ELF2: variants seen among roughly 807,000 people sequenced by gnomAD.
ELF2 encodes ETS-related transcription factor Elf-2.
A neutral mutation model predicts 54.8 loss-of-function variants in ELF2; 11 were observed. The ratio of observed to expected loss-of-function variants is 0.20; its 90% CI spans 0.13 to 0.33. ELF2 has a LOEUF of 0.33. ELF2 is among the 10% of genes least tolerant of loss of function. ELF2 has a pLI of 1.00. For synonymous variants in ELF2, 203 were observed against 245.1 expected, an observed-to-expected ratio of 0.83 and a Z score of 1.61; for missense variants, 513 against 703.0, an observed-to-expected ratio of 0.73 and a Z score of 3.06.
intron 1 of ELF2, chr4:139,155,022 T>C (rs1740387660): frequency 1.3e-5 from 2 of 152,166 alleles, no homozygotes; most frequent in African/African-American, 4.8e-5. Flanking sequence ...TGTGCATCCT[T>C]CATCTGGGCA....
intron 6 of ELF2, among the ~76,000 whole-genome samples, chr4:139,068,900 A>T (rs1729117630): frequency 6.6e-6 from 1 of 151,362 alleles, no homozygotes. Context: ...TTTTTAAGAG[A>T]TGGAGTCTCA....
Position 139,073,576 on chromosome 4 carries a change from A to G in ELF2, c.239-9T>C. 1 of 1,507,150 alleles carries G rather than the reference A, an allele frequency of 6.6e-7. No individual in the cohort carries two copies. Among genetic ancestry groups the G allele is most frequent in the South Asian group, 1.3e-5 (1 of 74,894 alleles). The allele number at this position is 1,507,150 out of a possible 1,614,324, so 93.4% of individuals were successfully genotyped here. ...GTGAACTGATGCTTCCACTGGAGGA[A>G]AAATAAGTTCTACTCAATTAAAAAT... is the stretch of plus-strand genomic sequence containing the variant. On this transcript the variant is annotated splice_polypyrimidine_tract_variant and intron_variant, in intron 4 of 9. Transcript: ENST00000686138.
At chr4:139,096,923 C>T (rs1006372946) in intron 4 of ELF2, among the ~76,000 whole-genome samples, 1 of 151,954 alleles carries the variant, frequency 6.6e-6, no homozygotes, top group Admixed American at 6.6e-5. Context: ...TCTGTCTTTA[C>T]AGAGGTTCTT....
chr4:139,091,223 C>G (rs1732541532), intron 4 of ELF2, among the ~76,000 whole-genome samples: 1 of 152,098 alleles, frequency 6.6e-6, no homozygotes. Flanking sequence ...AGCCACCTCA[C>G]CCGACCTTCT....
At chr4:139,114,985 C>T (rs1735475549) in intron 4 of ELF2, 1 of 1,613,780 alleles carries the variant, frequency 6.2e-7, no homozygotes, top group Non-Finnish European at 8.5e-7. Flanking sequence ...GTCCAGCAGA[C>T]CAGAAATGAA....
At chr4:139,084,424 GGCGGCA>G (rs1560790197) in intron 4 of ELF2, 1 of 1,279,970 alleles carries the variant, frequency 7.8e-7, no homozygotes, top group Non-Finnish European at 9.9e-7. Flanking sequence ...CAGGGGCAGG[GGCGGCA>G]GGGGCAGGGG....
intron 4 of ELF2, among the ~76,000 whole-genome samples, chr4:139,098,953 C>T (rs1396801162): frequency 6.6e-6 from 1 of 152,082 alleles, no homozygotes; most frequent in Non-Finnish European, 1.5e-5. Context: ...TATTTCTATT[C>T]CATCATTTTA....
intron 3 of ELF2, among the ~76,000 whole-genome samples, chr4:139,125,779 CAAA>C (rs367767700): frequency 4.1e-4 from 40 of 96,516 alleles, no homozygotes; most frequent in East Asian, 2.7e-3. Flanking sequence ...AGTCTGGCAG[CAAA>C]AAAAAAAAAA....
chr4:139,139,402 A>G lies in ELF2; in HGVS notation c.-167+11T>C. The stretch of plus-strand genomic sequence containing the variant: ...ATATATATAATAATAGCAGAAATAA[A>G]TTTTACTTACAGTTTGTATGTTAAG... On this transcript the variant is annotated intron_variant, in intron 2 of 9. Coordinates refer to ENST00000686138, the MANE Select transcript of ELF2 (RefSeq NM_001331036.3). 1 of 1,206,218 alleles carries G rather than the reference A, an allele frequency of 8.3e-7. No individual in the cohort carries two copies. Among genetic ancestry groups the G allele is most frequent in the Non-Finnish European group, 1.0e-6 (1 of 965,472 alleles). 74.7% of individuals were successfully genotyped at this position (1,206,218 alleles called of 1,614,324 possible). A position where few individuals can be genotyped will look rare whatever the true frequency, so the allele number is the denominator to read the frequency against.
chr4:139,112,652 G>A (rs565792017), intron 4 of ELF2, among the ~76,000 whole-genome samples: 3 of 152,210 alleles, frequency 2.0e-5, no homozygotes, highest in East Asian at 3.9e-4. Context: ...CTTCTCCTCA[G>A]TCTGAATTAA....
At chr4:139,142,905 G>A (rs1289429994) in intron 1 of ELF2, among the ~76,000 whole-genome samples, 2 of 151,916 alleles carry the variant, frequency 1.3e-5, no homozygotes, top group African/African-American at 4.8e-5. Context: ...GATGTATTTT[G>A]CAGATAAAAG....
intron 1 of ELF2, among the ~76,000 whole-genome samples, chr4:139,169,348 A>C (rs1403090934): frequency 0.1 from 13,980 of 139,530 alleles, 1,459 homozygotes; most frequent in African/African-American, 0.24. Context: ...ACTACATTTA[A>C]AAAAAAAAAA....
At chr4:139,115,130 G>C in intron 4 of ELF2, 3 of 1,613,638 alleles carry the variant, frequency 1.9e-6, no homozygotes, top group East Asian at 4.5e-5. Context: ...CAGTCGTAGA[G>C]GCGCGTGAGC....
chr4:139,135,173 G>C (rs1037694332), intron 3 of ELF2, among the ~76,000 whole-genome samples: 30 of 150,064 alleles, frequency 2.0e-4, no homozygotes, highest in African/African-American at 7.4e-4. Context: ...ATTTTGACAG[G>C]TCAGTTTTCA....
At chr4:139,116,320 T>A (rs1280407138) in intron 4 of ELF2, among the ~76,000 whole-genome samples, 1 of 151,640 alleles carries the variant, frequency 6.6e-6, no homozygotes, top group Non-Finnish European at 1.5e-5. Context: ...TTATTAAAAA[T>A]TTAGGAAAAG....
intron 1 of ELF2, among the ~76,000 whole-genome samples, chr4:139,164,180 G>T: frequency 6.9e-6 from 1 of 145,764 alleles, no homozygotes; most frequent in African/African-American, 2.5e-5. Flanking sequence ...AAGAAAGAAA[G>T]AGAGGGAGAT....
At chr4:139,095,969 G>A (rs967807255) in intron 4 of ELF2, among the ~76,000 whole-genome samples, 1 of 152,258 alleles carries the variant, frequency 6.6e-6, no homozygotes, top group East Asian at 1.9e-4. Flanking sequence ...AAATTAGCCA[G>A]GTGTGGTGGC....
intron 4 of ELF2, among the ~76,000 whole-genome samples, chr4:139,117,626 C>G (rs193055463): frequency 6.6e-6 from 1 of 152,098 alleles, no homozygotes; most frequent in East Asian, 1.9e-4. Context: ...ACCCAAGAGG[C>G]AGAGGTTGCA....
intron 4 of ELF2, among the ~76,000 whole-genome samples, chr4:139,111,191 G>A (rs951832678): frequency 2.0e-5 from 3 of 152,016 alleles, no homozygotes; most frequent in South Asian, 2.1e-4. Context: ...GAACACTGTC[G>A]ATGATGCCAG....
Sources: allele counts gnomAD v4.1 joint callset (sites outside exome capture counted in the v4.1 genomes callset), GRCh38; gene constraint gnomAD v4.1.1; transcripts MANE v1.5; gene names NCBI Gene and HGNC (gene_info 2026-07-23, HGNC 2026-07-21).